The following DLGAP2 variants were observed in gnomAD, a reference collection of about 807,000 sequenced individuals.
DLGAP2 encodes DLG associated protein 2, also known as disks large-associated protein 2.
Under a neutral mutation model 100.3 loss-of-function variants are expected in DLGAP2, and 26 were observed. The observed-to-expected ratio is 0.26, with a 90% confidence interval of 0.19 to 0.36. The LOEUF (loss-of-function observed/expected upper bound fraction) is 0.36, where lower values mean the gene tolerates loss of function less well. DLGAP2 is among the 10% of genes least tolerant of loss of function. DLGAP2 has a pLI of 1.00. For missense variants in DLGAP2, 1,858 were observed against 1,453.2 expected (o/e 1.28, Z -4.53); for synonymous variants, 886 against 630.1 (o/e 1.41, Z -6.08).
At chr8:1,595,285 T>TTTTTTAAATATATATA in intron 6 of DLGAP2, among the ~76,000 whole-genome samples, 1 of 152,024 alleles carries the variant, frequency 6.6e-6, no homozygotes, top group Non-Finnish European at 1.5e-5. Context: ...TATATAAACT[T>TTTTTTAAATATATATA]TTTATTGACA....
intron 2 of DLGAP2, among the ~76,000 whole-genome samples, chr8:975,639 C>T (rs1800143096): frequency 1.3e-5 from 2 of 152,302 alleles, no homozygotes; most frequent in South Asian, 2.1e-4. Context: ...AAAATTACAT[C>T]ATGTCTATAG....
At chr8:780,702 T>C (rs551741194) in intron 1 of DLGAP2, among the ~76,000 whole-genome samples, 1 of 152,236 alleles carries the variant, frequency 6.6e-6, no homozygotes, top group African/African-American at 2.4e-5. Context: ...CAGGAGGCTC[T>C]TGTGGCAATT....
At chr8:1,668,198 T>A in intron 8 of DLGAP2, 131 bp from the exon 9 acceptor site, 1 of 798,392 alleles carries the variant, frequency 1.3e-6, no homozygotes, top group Non-Finnish European at 1.9e-6. Context: ...CATTTCACGC[T>A]ATTTTTTTAG....
intron 6 of DLGAP2, among the ~76,000 whole-genome samples, chr8:1,622,713 T>C (rs534930858): frequency 6.6e-6 from 1 of 152,316 alleles, no homozygotes; most frequent in Admixed American, 6.5e-5. Context: ...TAGAAAACTT[T>C]TCACTATTTA....
At chr8:1,139,847 T>TG (rs1299303816) in intron 2 of DLGAP2, among the ~76,000 whole-genome samples, 2 of 151,938 alleles carry the variant, frequency 1.3e-5, no homozygotes, top group African/African-American at 4.8e-5. Flanking sequence ...AAGGGGTCTG[T>TG]GGCGTAGGGT....
chr8:1,217,424 G>A (rs538419339), intron 2 of DLGAP2, among the ~76,000 whole-genome samples: 95 of 152,266 alleles, frequency 6.2e-4, no homozygotes, highest in African/African-American at 2.2e-3. Flanking sequence ...ACACAGGGGA[G>A]TGCATGTGTC....
At chr8:845,349 G>A (rs1364935852) in intron 1 of DLGAP2, among the ~76,000 whole-genome samples, 1 of 152,154 alleles carries the variant, frequency 6.6e-6, no homozygotes, top group Non-Finnish European at 1.5e-5. Context: ...TGGTGTGAAG[G>A]GTATGGTATT....
intron 2 of DLGAP2, among the ~76,000 whole-genome samples, chr8:1,210,500 G>A (rs1798081071): frequency 6.6e-6 from 1 of 152,214 alleles, no homozygotes; most frequent in South Asian, 2.1e-4. Context: ...AGGCGGGCAG[G>A]CAGCTCAGCT....
rs1563098504 is a variant in DLGAP2, at chr8:1,349,595, GC to G, written c.106+90714del. ...GGGTGTTTGAGGGAGACTATCATGA[GC>G]CTCCTGCCCACATCCACGCATGTCA... is the stretch of plus-strand genomic sequence containing the variant. On this transcript the variant is annotated intron_variant, in intron 3 of 14. Coordinates refer to ENST00000637795, the MANE Select transcript of DLGAP2 (RefSeq NM_001346810.2). Among the ~76,000 whole-genome samples the G allele has an allele frequency of 4.3e-4, 60 of 138,964 alleles. 2 individuals carry two copies. Among genetic ancestry groups the G allele is most frequent in the Admixed American group, 7.3e-4 (10 of 13,780 alleles). The allele number at this position is 138,964 out of a possible 152,430, so 91.2% of individuals were successfully genotyped here. A position where few individuals can be genotyped will look rare whatever the true frequency, so the allele number is the denominator to read the frequency against.
At chr8:1,578,912 G>A (rs539317199) in intron 6 of DLGAP2, among the ~76,000 whole-genome samples, 1 of 152,286 alleles carries the variant, frequency 6.6e-6, no homozygotes, top group African/African-American at 2.4e-5. Flanking sequence ...CCCTGCCCAC[G>A]TGCAGAGCAC....
At chr8:1,490,117 C>G (rs1329274981) in intron 3 of DLGAP2, among the ~76,000 whole-genome samples, 4 of 152,102 alleles carry the variant, frequency 2.6e-5, no homozygotes, top group African/African-American at 9.7e-5. Context: ...GTCTTGAACT[C>G]CTGACCTTGT....
At chr8:1,246,559 T>G (rs1798905600) in intron 2 of DLGAP2, among the ~76,000 whole-genome samples, 1 of 152,170 alleles carries the variant, frequency 6.6e-6, no homozygotes, top group East Asian at 1.9e-4. Flanking sequence ...AATACTGGGT[T>G]TTTACTGAGA....
At chr8:1,370,377 C>G (rs1343410947) in intron 3 of DLGAP2, among the ~76,000 whole-genome samples, 1 of 152,154 alleles carries the variant, frequency 6.6e-6, no homozygotes, top group African/African-American at 2.4e-5. Context: ...TCGTCACCAC[C>G]TTAATACCCT....
At chr8:1,467,177 G>A (rs1798650370) in intron 3 of DLGAP2, among the ~76,000 whole-genome samples, 1 of 152,058 alleles carries the variant, frequency 6.6e-6, no homozygotes, top group African/African-American at 2.4e-5. Flanking sequence ...GAGGGGTCCA[G>A]CAGGGGCCCA....
intron 3 of DLGAP2, among the ~76,000 whole-genome samples, chr8:1,487,737 C>T (rs1157277050): frequency 5.3e-5 from 8 of 152,320 alleles, no homozygotes; most frequent in Admixed American, 4.6e-4. Flanking sequence ...TGCACTGCTG[C>T]GTCCCAAGCA....
rs972958081 is a variant in DLGAP2 at position 1,283,032 on chromosome 8, C to T, written c.106+24149C>T. Among the ~76,000 whole-genome samples the T allele has an allele frequency of 8.5e-4, 117 of 138,282 alleles. 1 individual carries two copies. In the East Asian group the frequency reaches 0.023, roughly 27 times the overall value. 90.7% of individuals were successfully genotyped at this position (138,282 alleles called of 152,430 possible). ...GACATGGTGTGACCTGAGCCCAGCA[C>T]GTGAACCATCTGGACATGGTGTGAC... is the stretch of plus-strand genomic sequence containing the variant. On this transcript the variant is annotated intron_variant, in intron 3 of 14. Coordinates refer to ENST00000637795, the MANE Select transcript of DLGAP2 (RefSeq NM_001346810.2).
chr8:1,667,592 T>C (rs1016913707), intron 8 of DLGAP2, among the ~76,000 whole-genome samples: 1 of 152,208 alleles, frequency 6.6e-6, no homozygotes, highest in Non-Finnish European at 1.5e-5. Context: ...ATAATGATTT[T>C]TAGAAAAACA....
At chr8:1,055,292 C>G (rs1802846216) in intron 2 of DLGAP2, among the ~76,000 whole-genome samples, 1 of 152,184 alleles carries the variant, frequency 6.6e-6, no homozygotes, top group African/African-American at 2.4e-5. Context: ...GCATTAAGAA[C>G]TGTAGCTTCA....
chr8:1,321,782 T>C (rs1469399466), intron 3 of DLGAP2, among the ~76,000 whole-genome samples: 1 of 152,208 alleles, frequency 6.6e-6, no homozygotes, highest in South Asian at 2.1e-4. Flanking sequence ...GGGGAAAATG[T>C]GTAATTAGAA....
Sources: gnomAD v4.1 joint callset for allele counts (sites outside exome capture counted in the v4.1 genomes callset) on GRCh38, gnomAD v4.1.1 for gene constraint, MANE v1.5 for transcripts, NCBI Gene and HGNC (gene_info 2026-07-23, HGNC 2026-07-21) for gene names.